Variants in MIA2 observed in about 807,000 individuals in gnomAD.
MIA2 encodes the protein MIA SH3 domain ER export factor 2.
A neutral mutation model predicts 167.8 loss-of-function variants in MIA2; 127 were observed. The observed-to-expected ratio is 0.76, with a 90% CI of 0.66 to 0.88. The LOEUF (loss-of-function observed/expected upper bound fraction) is 0.88, where lower values mean the gene tolerates loss of function less well. MIA2 is among the 40% of genes least tolerant of loss of function. The pLI, the probability that MIA2 is intolerant of heterozygous loss-of-function variation, is 0.00. For synonymous variants in MIA2, 552 were observed against 541.9 expected (o/e 1.02, Z -0.26); for missense variants, 1,690 against 1,624.7 (o/e 1.04, Z -0.69).
At chr14:39,293,910 A>G in intron 11 of MIA2, 90 bp from the exon 12 acceptor site, 1 of 966,722 alleles carries the variant, frequency 1.0e-6, no homozygotes, top group Admixed American at 2.3e-5. Context: ...TTATGGAGCT[A>G]AAGTGTTAGG....
At chr14:39,240,683 A>T (rs1276620605) in intron 3 of MIA2, 36 bp downstream of exon 3, 1 of 1,514,206 alleles carries the variant, frequency 6.6e-7, no homozygotes, top group African/African-American at 1.4e-5. Flanking sequence ...AATTGAATTT[A>T]AAATTTCTTG....
intron 25 of MIA2, among the ~76,000 whole-genome samples, chr14:39,335,844 C>G: frequency 6.6e-6 from 1 of 152,174 alleles, no homozygotes; most frequent in East Asian, 1.9e-4. Flanking sequence ...CTACCACTTA[C>G]AAGTAAGAAT....
chr14:39,294,408 G>A (rs2061137044), intron 12 of MIA2, among the ~76,000 whole-genome samples: 1 of 151,832 alleles, frequency 6.6e-6, no homozygotes, highest in Admixed American at 6.6e-5. Context: ...ATGATGGCCA[G>A]GCTGGTCTTG....
At chr14:39,299,570 T>C (rs936912474) in intron 13 of MIA2, among the ~76,000 whole-genome samples, 2 of 152,130 alleles carry the variant, frequency 1.3e-5, no homozygotes, top group African/African-American at 4.8e-5. Flanking sequence ...TGCACAATGA[T>C]TTAAAAAATA....
rs1209685192 is a variant in MIA2, at chr14:39,317,975, A to G, written c.3248A>G (p.Asn1083Ser). ...GCTCGGAATGCTGAAAGAAACCTCAATGATTTAAGGAAAGAAAATGCTCAC... is the reference window on the plus strand; with the variant it reads ...GCTCGGAATGCTGAAAGAAACCTCAGTGATTTAAGGAAAGAAAATGCTCAC... The part of the protein sequence containing the change: ...LAARNAERNL[N>S]DLRKENAHNR... The change falls in exon 22 of 29, where the codon AAT (asparagine) becomes AGT (serine). Residue 1083 changes from asparagine to serine, a missense_variant. Physicochemically the swap from Asn to Ser is conservative, Grantham distance 46 (BLOSUM62 1). Transcript: ENST00000640607. 1.9e-6 allele frequency: 3 copies of G among 1,584,026 alleles called. No homozygotes were observed. The highest frequency in any genetic ancestry group is 1.7e-4 in the Middle Eastern group (1 of 5,968).
At chr14:39,355,107 G>C (rs903543624), downstream of MIA2, among the ~76,000 whole-genome samples, 5 of 151,024 alleles carry the variant, frequency 3.3e-5, no homozygotes, top group Admixed American at 6.6e-5. Context: ...GTCATTGGTA[G>C]CTTGATGGGG....
intron 23 of MIA2, among the ~76,000 whole-genome samples, chr14:39,368,770 T>A (rs1389312653): frequency 2.6e-5 from 4 of 151,874 alleles, no homozygotes; most frequent in African/African-American, 4.8e-5. Flanking sequence ...AATTATATAT[T>A]CCAGTCATTC....
chr14:39,349,400 T>C (rs1363108241), intron 28 of MIA2, among the ~76,000 whole-genome samples: 1 of 152,212 alleles, frequency 6.6e-6, no homozygotes, highest in Non-Finnish European at 1.5e-5. Context: ...TCCTACTTAT[T>C]TAAAACTTAA....
At chr14:39,265,835 C>T (rs2055539269) in intron 6 of MIA2, 1 of 297,972 alleles carries the variant, frequency 3.4e-6, no homozygotes, top group Admixed American at 6.4e-5. Flanking sequence ...GAACTATTCA[C>T]ATAATTTTAA....
chr14:39,360,651 TGTTA>T (rs974198114), intron 23 of MIA2, among the ~76,000 whole-genome samples: 12 of 152,202 alleles, frequency 7.9e-5, no homozygotes, highest in Middle Eastern at 3.2e-3. Context: ...TGCATAAGCC[TGTTA>T]GTTTATTATA....
chr14:39,292,002 AATC>A (rs1443020280), intron 10 of MIA2, among the ~76,000 whole-genome samples: 1 of 152,192 alleles, frequency 6.6e-6, no homozygotes, highest in Non-Finnish European at 1.5e-5. Flanking sequence ...TGCTCTCCGT[AATC>A]ATCAGAAACT....
intron 25 of MIA2, among the ~76,000 whole-genome samples, chr14:39,343,373 T>C (rs1244582966): frequency 1.3e-5 from 2 of 152,152 alleles, no homozygotes; most frequent in Admixed American, 6.6e-5. Context: ...TCTTGAACTC[T>C]TGGCCTCAAG....
At chr14:39,363,224 G>A (rs568145967) in intron 23 of MIA2, among the ~76,000 whole-genome samples, 3 of 152,278 alleles carry the variant, frequency 2.0e-5, no homozygotes, top group Admixed American at 1.3e-4. Context: ...TTGGTCTAAA[G>A]TACAGTTTAA....
chr14:39,367,263 A>G (rs1413679697), intron 23 of MIA2, among the ~76,000 whole-genome samples: 2 of 152,154 alleles, frequency 1.3e-5, no homozygotes, highest in Non-Finnish European at 2.9e-5. Context: ...AACTGATACT[A>G]TGCCACTGCA....
At chr14:39,268,310 A>C (rs1467636605) in intron 6 of MIA2, among the ~76,000 whole-genome samples, 1 of 152,154 alleles carries the variant, frequency 6.6e-6, no homozygotes, top group South Asian at 2.1e-4. Context: ...TAGTGTTGCC[A>C]TGGTGTTTAT....
intron 23 of MIA2, among the ~76,000 whole-genome samples, chr14:39,360,788 TG>T (rs1333981264): frequency 6.6e-6 from 1 of 152,230 alleles, no homozygotes; most frequent in Non-Finnish European, 1.5e-5. Flanking sequence ...TTTATAGTTT[TG>T]GGCCTTATGT....
rs201043209 is a variant in MIA2, at chr14:39,247,883, G to T, written c.1309G>T (p.Asp437Tyr). 33 of 1,588,478 alleles carry T rather than the reference G, an allele frequency of 2.1e-5. 1 individual carries two copies. In the African/African-American group the frequency reaches 3.4e-4, roughly 16 times the overall value. ...IETIKIIETEDQIDKKPVSEK... is the reference protein window; with the variant it reads ...IETIKIIETEYQIDKKPVSEK... ...AACGATAAAAATTATAGAAACAGAA[G>T]ATCAAATAGACAAGAAACCAGTCTC... Residue 437 changes from aspartate to tyrosine, a missense_variant, in exon 4 of 29, where the codon GAT (aspartate) becomes TAT (tyrosine). Transcript: ENST00000640607.
At chr14:39,296,332 T>C (rs986687906) in intron 13 of MIA2, among the ~76,000 whole-genome samples, 2 of 152,154 alleles carry the variant, frequency 1.3e-5, no homozygotes, top group African/African-American at 4.8e-5. Flanking sequence ...ATTTTTTTTT[T>C]CCTCAAAATT....
intron 6 of MIA2, among the ~76,000 whole-genome samples, chr14:39,258,840 T>G (rs1352220853): frequency 2.0e-5 from 3 of 152,228 alleles, no homozygotes; most frequent in African/African-American, 7.2e-5. Flanking sequence ...GTCAGGCCCC[T>G]CTTCTGCAGG....
Sources: allele counts gnomAD v4.1 joint callset (sites outside exome capture counted in the v4.1 genomes callset), GRCh38; gene constraint gnomAD v4.1.1; transcripts MANE v1.5; gene names NCBI Gene and HGNC (gene_info 2026-07-23, HGNC 2026-07-21).